The following USH2A variants were observed in gnomAD, a reference collection of about 807,000 sequenced individuals.
The protein encoded by USH2A is usherin.
USH2A carries 443 observed loss-of-function variants against 538.9 expected under a neutral mutation model. That is an observed-to-expected ratio of 0.82 (90% CI 0.76 to 0.89). USH2A has a LOEUF of 0.89. Ranked by LOEUF, USH2A falls within the 40% of genes least tolerant of loss-of-function variation. USH2A has a pLI of 0.00. For missense variants in USH2A, 6,633 were observed against 6,324.8 expected, an observed-to-expected ratio of 1.05 and a Z score of -1.65; for synonymous variants, 2,413 against 2,273.5, an observed-to-expected ratio of 1.06 and a Z score of -1.75.
intron 20 of USH2A, among the ~76,000 whole-genome samples, chr1:216,179,301 C>T: frequency 6.6e-6 from 1 of 151,922 alleles, no homozygotes; most frequent in South Asian, 2.1e-4. Context: ...AATTAGAGCA[C>T]ACTTTTTTTT....
Position 215,627,417 on chromosome 1 carries a change from C to CTTCT in USH2A, c.15519+1396_15519+1397insAGAA, listed in dbSNP as rs1558027267. On this transcript the variant is annotated intron_variant, in intron 71 of 71. Coordinates refer to ENST00000307340, the MANE Select transcript of USH2A (RefSeq NM_206933.4). ...CCTTCCTTCCTTCCTTCCTTCCTTC[C>CTTCT]TTCCTTCCTTCCTTCCTTCCTTCCT... Among the ~76,000 whole-genome samples the CTTCT allele has an allele frequency of 1.9e-3, 216 of 113,862 alleles. 10 individuals carry two copies. Among genetic ancestry groups the CTTCT allele is most frequent in the African/African-American group, 6.8e-3 (199 of 29,162 alleles). 74.7% of individuals were successfully genotyped at this position (113,862 alleles called of 152,430 possible).
At chr1:215,909,239 C>A (rs1665713683) in intron 38 of USH2A, among the ~76,000 whole-genome samples, 1 of 151,418 alleles carries the variant, frequency 6.6e-6, no homozygotes, top group African/African-American at 2.4e-5. Context: ...AAGATAAAGG[C>A]AAAACTATAG....
intron 67 of USH2A, among the ~76,000 whole-genome samples, chr1:215,646,974 A>G (rs1462610942): frequency 6.6e-6 from 1 of 152,222 alleles, no homozygotes; most frequent in Non-Finnish European, 1.5e-5. Context: ...GTGCAAGTAC[A>G]TTCTATGATA....
chr1:216,054,637 A>C (rs142036240), intron 30 of USH2A, among the ~76,000 whole-genome samples: 105 of 152,298 alleles, frequency 6.9e-4, no homozygotes, highest in African/African-American at 2.4e-3. Flanking sequence ...TTCTACTTAC[A>C]TACTTCAGCA....
At position 215,832,215 on chromosome 1, in the gene USH2A, G is replaced by T. The variant is rs182653938; in HGVS notation, c.9371+5776C>A. 1.8e-3 allele frequency among the ~76,000 whole-genome samples: 267 copies of T among 151,840 alleles called. 1 individual carries two copies. Among genetic ancestry groups the T allele is most frequent in the Non-Finnish European group, 3.0e-3 (202 of 67,768 alleles). ...ACTGGTGAATTTTACCAAGATTTAA[G>T]AAATAATAACACTTTTGTACAATCT... On this transcript the variant is annotated intron_variant, in intron 47 of 71. Coordinates refer to ENST00000307340, the MANE Select transcript of USH2A (RefSeq NM_206933.4).
chr1:215,729,073 G>T (rs144283607), intron 60 of USH2A, among the ~76,000 whole-genome samples: 9 of 152,194 alleles, frequency 5.9e-5, no homozygotes, highest in African/African-American at 2.2e-4. Context: ...TTGGCTATAT[G>T]ACTTTTTTGG....
At chr1:216,292,137 G>A (rs757578404) in intron 10 of USH2A, 38 bp downstream of exon 10, 1 of 1,602,420 alleles carries the variant, frequency 6.2e-7, no homozygotes, top group Non-Finnish European at 8.5e-7. Context: ...GAAGCACACA[G>A]GCCTCCAAAC....
In USH2A at chr1:215,779,848, A is replaced by T. The variant is rs1571678968; in HGVS notation, c.10934T>A (p.Val3645Asp). 1.2e-6 allele frequency: 2 copies of T among 1,613,692 alleles called. No homozygotes were observed. The highest frequency in any genetic ancestry group is 1.1e-5 in the South Asian group (1 of 91,062). The change falls in exon 55 of 72, where the codon GTC becomes GAC. Residue 3645 changes from valine to aspartate, a missense_variant. By Grantham distance (152) the Val-to-Asp change is radical. Coordinates refer to ENST00000307340, the MANE Select transcript of USH2A (RefSeq NM_206933.4). ...TDTTDRRQHT[V>D]TGLQPYTNYS... ...CTTTTTTTTTGTTTTCTCACCTGTG[A>T]CCGTATGCTGTCTCCTGTCAGTGGT...
chr1:216,295,205 GTAAAAAAA>G (rs1389785673), intron 9 of USH2A, among the ~76,000 whole-genome samples: 2 of 151,390 alleles, frequency 1.3e-5, no homozygotes, highest in South Asian at 4.1e-4. Flanking sequence ...ATGGATTTTT[GTAAAAAAA>G]TAAAAAAATA....
At chr1:216,183,274 C>G (rs186806222) in intron 20 of USH2A, among the ~76,000 whole-genome samples, 4 of 151,790 alleles carry the variant, frequency 2.6e-5, no homozygotes, top group Admixed American at 2.6e-4. Flanking sequence ...TCGAGTGTGC[C>G]AACAAGCACC....
At chr1:215,700,054 A>G (rs1316645500) in intron 61 of USH2A, among the ~76,000 whole-genome samples, 2 of 152,142 alleles carry the variant, frequency 1.3e-5, no homozygotes, top group African/African-American at 2.4e-5. Context: ...TTCTGCATCT[A>G]TTGAGATAAT....
At chr1:216,344,852 G>A (rs1191238589) in intron 4 of USH2A, among the ~76,000 whole-genome samples, 1 of 151,088 alleles carries the variant, frequency 6.6e-6, no homozygotes, top group Non-Finnish European at 1.5e-5. Flanking sequence ...TCTCAGTAAA[G>A]TCCCTCTCAG....
Position 215,888,530 on chromosome 1 carries a change from C to A in USH2A, c.8119G>T (p.Gly2707Ter). Residue 2707 changes from glycine to a stop codon, truncating the protein, a stop_gained, in exon 41 of 72, where the codon GGA becomes TGA. Transcript: ENST00000307340. LOFTEE classifies it high-confidence loss of function. ...EYRVLMSTLH[G>*]GTNSSAWVEV... ...ACCCAAGCACTGCTGTTTGTGCCTC[C>A]ATGAAGAGTGCTCATCAGTACCCGA... 1.2e-6 allele frequency: 2 copies of A among 1,614,168 alleles called. No homozygotes were observed. Among genetic ancestry groups the A allele is most frequent in the Non-Finnish European group, 1.7e-6 (2 of 1,180,022 alleles).
chr1:216,257,499 T>C (rs551605736), intron 11 of USH2A, among the ~76,000 whole-genome samples: 1 of 152,130 alleles, frequency 6.6e-6, no homozygotes, highest in African/African-American at 2.4e-5. Flanking sequence ...GCAATTCAAT[T>C]ATAATATGCC....
intron 11 of USH2A, among the ~76,000 whole-genome samples, chr1:216,255,541 G>T (rs2036242032): frequency 1.3e-5 from 2 of 152,016 alleles, no homozygotes; most frequent in South Asian, 4.1e-4. Flanking sequence ...GTAATTCCAG[G>T]TTATTTTGTT....
intron 30 of USH2A, among the ~76,000 whole-genome samples, chr1:216,069,862 G>A (rs2031498808): frequency 6.6e-6 from 1 of 152,188 alleles, no homozygotes. Flanking sequence ...TTGGGGGATG[G>A]AGAGAATATC....
At chr1:215,836,464 TTA>T (rs1356176708) in intron 47 of USH2A, among the ~76,000 whole-genome samples, 1,633 of 27,688 alleles carry the variant, frequency 0.059, 153 homozygotes, top group African/African-American at 0.11. Flanking sequence ...TGTATATATA[TTA>T]TATATATATA....
At chr1:216,036,854 A>G (rs1199494514) in intron 32 of USH2A, among the ~76,000 whole-genome samples, 3 of 152,134 alleles carry the variant, frequency 2.0e-5, no homozygotes, top group Non-Finnish European at 2.9e-5. Context: ...AAATTGTTGT[A>G]CTGATTTACT....
intron 21 of USH2A, among the ~76,000 whole-genome samples, chr1:216,127,163 T>C (rs1228936219): frequency 6.6e-6 from 1 of 152,202 alleles, no homozygotes; most frequent in Non-Finnish European, 1.5e-5. Context: ...AGCATTGCAC[T>C]AATAGTATAT....
Sources: gnomAD v4.1 joint callset for allele counts (sites outside exome capture counted in the v4.1 genomes callset) on GRCh38, gnomAD v4.1.1 for gene constraint, MANE v1.5 for transcripts, NCBI Gene and HGNC (gene_info 2026-07-23, HGNC 2026-07-21) for gene names.